PALM2AKAP2: variants seen among roughly 807,000 people sequenced by gnomAD.
PALM2AKAP2 encodes the protein PALM2 and AKAP2 fusion.
Under a neutral mutation model 71.5 loss-of-function variants are expected in PALM2AKAP2, and 37 were observed. That is an observed-to-expected ratio of 0.52 (90% CI 0.40 to 0.68). The LOEUF is 0.68. Ranked by LOEUF, PALM2AKAP2 falls within the 30% of genes least tolerant of loss-of-function variation. The pLI is 0.00. For missense variants in PALM2AKAP2, 1,224 were observed against 1,191.8 expected (o/e 1.03, Z -0.40); for synonymous variants, 468 against 478.8 (o/e 0.98, Z 0.29).
intron 7 of PALM2AKAP2, among the ~76,000 whole-genome samples, chr9:110,037,959 A>G (rs1833442465): frequency 6.6e-6 from 1 of 152,192 alleles, no homozygotes; most frequent in South Asian, 2.1e-4. Context: ...CCTGAGGGAT[A>G]GAAGGGATCA....
At chr9:110,050,881 G>A (rs963306362) in intron 1 of PALM2AKAP2, among the ~76,000 whole-genome samples, 1 of 152,124 alleles carries the variant, frequency 6.6e-6, no homozygotes, top group South Asian at 2.1e-4. Context: ...ACCTGCCTCG[G>A]CCTCCCAAAG....
intron 3 of PALM2AKAP2, among the ~76,000 whole-genome samples, chr9:109,913,913 C>T (rs1216586184): frequency 1.3e-5 from 2 of 152,012 alleles, no homozygotes; most frequent in Admixed American, 6.6e-5. Context: ...CCCGCCACTA[C>T]GCCCAGCTAA....
intron 1 of PALM2AKAP2, among the ~76,000 whole-genome samples, chr9:110,082,916 C>T (rs1050364920): frequency 1.3e-5 from 2 of 152,008 alleles, no homozygotes; most frequent in African/African-American, 4.8e-5. Context: ...CTGAGGTGGG[C>T]GGATCACCTG....
intron 1 of PALM2AKAP2, among the ~76,000 whole-genome samples, chr9:110,084,282 T>C (rs905614923): frequency 1.3e-5 from 2 of 152,228 alleles, no homozygotes; most frequent in African/African-American, 2.4e-5. Flanking sequence ...TAATGTTATG[T>C]TATTATAATA....
chr9:110,165,284 TCACACACACACACACACACA>T (rs58758256), intron 3 of PALM2AKAP2, among the ~76,000 whole-genome samples: 18 of 142,372 alleles, frequency 1.3e-4, no homozygotes, highest in East Asian at 4.1e-4. Context: ...TGCTAGAGAT[TCACACACACACACACACACA>T]CACACACACA....
chr9:110,050,419 T>A (rs1225459288), intron 1 of PALM2AKAP2, among the ~76,000 whole-genome samples: 1 of 152,216 alleles, frequency 6.6e-6, no homozygotes, highest in South Asian at 2.1e-4. Context: ...AGCTTCCCTT[T>A]CTTCCAGTCT....
intron 1 of PALM2AKAP2, among the ~76,000 whole-genome samples, chr9:109,766,792 G>C (rs1450973363): frequency 3.3e-5 from 5 of 152,106 alleles, no homozygotes; most frequent in African/African-American, 1.2e-4. Flanking sequence ...ACCCCATAAT[G>C]TAGATATTAT....
At chr9:109,887,972 A>G (rs1830004718) in intron 3 of PALM2AKAP2, among the ~76,000 whole-genome samples, 1 of 152,204 alleles carries the variant, frequency 6.6e-6, no homozygotes. Flanking sequence ...CAGACGCACC[A>G]TGACTCTGGA....
chr9:110,111,834 G>A (rs1465082593), intron 1 of PALM2AKAP2, among the ~76,000 whole-genome samples: 5 of 152,160 alleles, frequency 3.3e-5, no homozygotes, highest in Non-Finnish European at 7.4e-5. Flanking sequence ...GGTTCCAGCT[G>A]CCTTCTAGCA....
chr9:109,700,147 A>G (rs1471704856), intron 1 of PALM2AKAP2, among the ~76,000 whole-genome samples: 1 of 152,164 alleles, frequency 6.6e-6, no homozygotes, highest in East Asian at 1.9e-4. Flanking sequence ...TTCATTCTGC[A>G]CTTGATGTGG....
chr9:110,040,691 T>C (rs1283686678), intron 7 of PALM2AKAP2, among the ~76,000 whole-genome samples: 3 of 152,156 alleles, frequency 2.0e-5, no homozygotes, highest in Non-Finnish European at 2.9e-5. Context: ...TAAGAAATAA[T>C]TTCCTGTTTT....
chr9:109,660,049 G>A (rs753414933), intron 1 of PALM2AKAP2, among the ~76,000 whole-genome samples: 2 of 152,002 alleles, frequency 1.3e-5, no homozygotes, highest in Non-Finnish European at 2.9e-5. Context: ...GCCCAGGCTG[G>A]TCTCAAACTC....
chr9:110,088,703 GTTTTTTTT>G (rs71373964), intron 1 of PALM2AKAP2, among the ~76,000 whole-genome samples: 10 of 75,632 alleles, frequency 1.3e-4, no homozygotes, highest in Non-Finnish European at 1.7e-4. Flanking sequence ...GCATTTACGT[GTTTTTTTT>G]TTTTTTTTTT....
chr9:109,824,543 C>G (rs1329096690), intron 1 of PALM2AKAP2, among the ~76,000 whole-genome samples: 1 of 152,192 alleles, frequency 6.6e-6, no homozygotes, highest in Non-Finnish European at 1.5e-5. Context: ...AGCAAATACC[C>G]TGTGTGAGGC....
chr9:109,971,404 C>A (rs912299693), intron 6 of PALM2AKAP2, among the ~76,000 whole-genome samples: 1 of 149,960 alleles, frequency 6.7e-6, no homozygotes, highest in Admixed American at 6.7e-5. Context: ...GTCTCCAGTG[C>A]CCCACACATT....
intron 6 of PALM2AKAP2, among the ~76,000 whole-genome samples, chr9:109,952,010 C>T (rs1354083990): frequency 3.3e-5 from 5 of 152,198 alleles, no homozygotes; most frequent in African/African-American, 7.2e-5. Context: ...TCTGAAGACA[C>T]GTGGGGACTT....
chr9:109,709,112 A>G (rs2118602506), intron 1 of PALM2AKAP2, among the ~76,000 whole-genome samples: 1 of 152,182 alleles, frequency 6.6e-6, no homozygotes, highest in East Asian at 1.9e-4. Flanking sequence ...TCAAATGGGA[A>G]TACTGGGGGA....
chr9:109,855,048 G>A (rs183727317), intron 1 of PALM2AKAP2, among the ~76,000 whole-genome samples: 59 of 149,036 alleles, frequency 4.0e-4, no homozygotes, highest in African/African-American at 1.2e-3. Flanking sequence ...GATTACAGGC[G>A]TGAGCCACCA....
At chr9:110,136,689 T>C (rs767981419) in exon 2 of PALM2AKAP2, 1 of 1,614,024 alleles carries the variant, frequency 6.2e-7, no homozygotes, top group African/African-American at 1.3e-5. Context: ...CAGGTGCCTG[T>C]CAGCCCCAGC....
Sources: allele counts gnomAD v4.1 joint callset (sites outside exome capture counted in the v4.1 genomes callset), GRCh38; gene constraint gnomAD v4.1.1; transcripts MANE v1.5; gene names NCBI Gene and HGNC (gene_info 2026-07-23, HGNC 2026-07-21).